The following KDM4C variants were observed in gnomAD, a reference collection of about 807,000 sequenced individuals.
KDM4C encodes lysine demethylase 4C, also known as lysine-specific demethylase 4C.
In KDM4C, 81 loss-of-function variants were observed where a neutral mutation model predicts 129.3. The observed-to-expected ratio is 0.63, with a 90% CI of 0.52 to 0.75. The LOEUF (loss-of-function observed/expected upper bound fraction) is 0.75, where lower values mean the gene tolerates loss of function less well. Ranked by LOEUF, KDM4C falls within the 30% of genes least tolerant of loss-of-function variation. KDM4C has a pLI of 0.00. For synonymous variants in KDM4C, 573 were observed against 456.1 expected (o/e 1.26, Z -3.26); for missense variants, 1,457 against 1,304.0 (o/e 1.12, Z -1.81).
chr9:6,734,996 G>T, intron 1 of KDM4C: 2 of 555,438 alleles, frequency 3.6e-6, no homozygotes, highest in Non-Finnish European at 7.1e-6. Flanking sequence ...AGTTGATAGG[G>T]TTTGGGTATT....
chr9:6,963,423 A>G (rs1794031591), intron 8 of KDM4C, among the ~76,000 whole-genome samples: 1 of 152,226 alleles, frequency 6.6e-6, no homozygotes, highest in Non-Finnish European at 1.5e-5. Flanking sequence ...AGAGGCTGAC[A>G]TTATGAAATA....
At chr9:7,034,835 T>G (rs1827360288) in intron 15 of KDM4C, among the ~76,000 whole-genome samples, 1 of 152,204 alleles carries the variant, frequency 6.6e-6, no homozygotes, top group African/African-American at 2.4e-5. Context: ...CTTACCAGTA[T>G]TTGTTACTTT....
chr9:6,819,784 T>C (rs761375405), intron 4 of KDM4C, among the ~76,000 whole-genome samples: 1 of 152,256 alleles, frequency 6.6e-6, no homozygotes, highest in Non-Finnish European at 1.5e-5. Context: ...TTCATTGTAA[T>C]GAATGTGCAT....
intron 1 of KDM4C, among the ~76,000 whole-genome samples, chr9:6,731,020 C>T (rs1273837096): frequency 2.6e-5 from 4 of 152,152 alleles, no homozygotes; most frequent in African/African-American, 4.8e-5. Context: ...ATCCTTAGTT[C>T]GCTTTAACAA....
At chr9:6,743,435 GTTATC>G (rs1451102902) in intron 1 of KDM4C, among the ~76,000 whole-genome samples, 4 of 151,990 alleles carry the variant, frequency 2.6e-5, no homozygotes, top group South Asian at 2.1e-4. Context: ...TAGTCTCACA[GTTATC>G]TTATGTTGTT....
At chr9:6,917,631 G>A (rs1052046749) in intron 8 of KDM4C, among the ~76,000 whole-genome samples, 1 of 152,124 alleles carries the variant, frequency 6.6e-6, no homozygotes, top group Non-Finnish European at 1.5e-5. Context: ...TGTTCACGAT[G>A]CCCAGCAGTC....
rs1443500796 is a variant in KDM4C, at chr9:6,852,444, C to G, written c.629+2744C>G. ...AAGGTTAGCCAGAATGACCTCCAGT[C>G]ATTCTGATTCTGTGACTCATGATCA... On this transcript the variant is annotated intron_variant, in intron 5 of 21. Coordinates refer to ENST00000381309, the MANE Select transcript of KDM4C (RefSeq NM_015061.6). Among the ~76,000 whole-genome samples, 3 of 152,288 alleles carry G rather than the reference C, an allele frequency of 2.0e-5. No individual in the cohort carries two copies. In the East Asian group the frequency reaches 5.8e-4, roughly 29 times the overall value.
intron 5 of KDM4C, 48 bp from the exon 6 acceptor site, chr9:6,879,964 G>A (rs1180138460): frequency 1.0e-6 from 1 of 964,600 alleles, no homozygotes; most frequent in African/African-American, 1.7e-5. Flanking sequence ...TAGGCTACTA[G>A]CTGAAAAATT....
chr9:7,018,564 A>T (rs1824103101), intron 15 of KDM4C, among the ~76,000 whole-genome samples: 1 of 152,234 alleles, frequency 6.6e-6, no homozygotes, highest in African/African-American at 2.4e-5. Flanking sequence ...CTGAATCATA[A>T]ATTTAGAAGT....
chr9:6,792,335 T>C (rs1291393803), intron 1 of KDM4C, among the ~76,000 whole-genome samples: 1 of 151,972 alleles, frequency 6.6e-6, no homozygotes, highest in Non-Finnish European at 1.5e-5. Context: ...ATAGCGAGAC[T>C]GTCTCAAAAA....
At chr9:6,945,080 G>A (rs1453146081) in intron 8 of KDM4C, among the ~76,000 whole-genome samples, 1 of 151,918 alleles carries the variant, frequency 6.6e-6, no homozygotes, top group Non-Finnish European at 1.5e-5. Flanking sequence ...TCTCTTTCTT[G>A]CTCTACACAG....
chr9:7,037,109 G>C (rs1225436341), intron 15 of KDM4C, among the ~76,000 whole-genome samples: 1 of 152,138 alleles, frequency 6.6e-6, no homozygotes, highest in Non-Finnish European at 1.5e-5. Context: ...ATGTCTTGCT[G>C]ATCAGCACGG....
rs139023086 is a variant in KDM4C, at chr9:7,016,196, T to C, written c.2259+267T>C. Among the ~76,000 whole-genome samples, 470 of 151,960 alleles carry C rather than the reference T, an allele frequency of 3.1e-3. 1 individual carries two copies. Among genetic ancestry groups the C allele is most frequent in the African/African-American group, 7.4e-3 (307 of 41,434 alleles). Reference sequence around the variant, plus strand: ...AGGCTAGAGTGCAGTGGCAAGATCTTGGCTCACTGCAAGCTCCACCTTCCA... The same window carrying C: ...AGGCTAGAGTGCAGTGGCAAGATCTCGGCTCACTGCAAGCTCCACCTTCCA... On this transcript the variant is annotated intron_variant, in intron 15 of 21. Transcript: ENST00000381309.
At chr9:7,016,025 C>A in intron 15 of KDM4C, 96 bp downstream of exon 15, 1 of 789,440 alleles carries the variant, frequency 1.3e-6, no homozygotes, top group Non-Finnish European at 2.1e-6. Context: ...TGCTCAGGTG[C>A]TTATATGTGC....
At chr9:6,756,556 A>C (rs1369355632), upstream of KDM4C, among the ~76,000 whole-genome samples, 5 of 152,204 alleles carry the variant, frequency 3.3e-5, no homozygotes, top group African/African-American at 9.7e-5. Flanking sequence ...GTCTCTACTG[A>C]AAATACAAAA....
chr9:6,860,379 T>C (rs376451085), intron 5 of KDM4C, among the ~76,000 whole-genome samples: 2 of 152,160 alleles, frequency 1.3e-5, no homozygotes, highest in Admixed American at 6.5e-5. Context: ...AGGGAATAGT[T>C]GGTGATTTTT....
In KDM4C at chr9:6,899,542, GGTGT is replaced by G. The variant is rs61209400; in HGVS notation, c.921+6335_921+6338del. On this transcript the variant is annotated intron_variant, in intron 8 of 21. Coordinates refer to ENST00000381309, the MANE Select transcript of KDM4C (RefSeq NM_015061.6). ...GAGTCCTCTGTGCCTTTTCCATGGG[GGTGT>G]GTGTGTGTGTGTGTGTGTGTGTGTT... is the stretch of plus-strand genomic sequence containing the variant. Among the ~76,000 whole-genome samples the G allele has an allele frequency of 7.3e-5, 11 of 150,154 alleles. No homozygotes were observed. In the South Asian group the frequency reaches 8.4e-4, roughly 12 times the overall value.
chr9:7,102,309 CTTTTTTTTTT>C (rs34614459), intron 17 of KDM4C, among the ~76,000 whole-genome samples: 360 of 90,000 alleles, frequency 4.0e-3, no homozygotes, highest in Admixed American at 6.0e-3. Context: ...ATGGTTTTCC[CTTTTTTTTTT>C]TTTTTTTTTT....
intron 5 of KDM4C, among the ~76,000 whole-genome samples, chr9:6,854,549 A>G (rs1013767194): frequency 1.3e-5 from 2 of 150,224 alleles, no homozygotes; most frequent in Middle Eastern, 3.4e-3. Flanking sequence ...AAAAAAACAA[A>G]AAAAAAACTA....
Sources: allele counts gnomAD v4.1 joint callset (sites outside exome capture counted in the v4.1 genomes callset), GRCh38; gene constraint gnomAD v4.1.1; transcripts MANE v1.5; gene names NCBI Gene and HGNC (gene_info 2026-07-23, HGNC 2026-07-21).